The following UNC5C variants were observed in gnomAD, a reference collection of about 807,000 sequenced individuals.
UNC5C encodes the protein unc-5 netrin receptor C, also known as netrin receptor UNC5C.
Under a neutral mutation model 99.8 loss-of-function variants are expected in UNC5C, and 47 were observed. That is an observed-to-expected ratio of 0.47 (90% confidence interval 0.37 to 0.60). UNC5C has a LOEUF of 0.60. UNC5C is among the 20% of genes least tolerant of loss of function. UNC5C has a pLI of 0.00. For synonymous variants in UNC5C, 487 were observed against 452.2 expected (o/e 1.08, Z -0.98); for missense variants, 1,062 against 1,165.9 (o/e 0.91, Z 1.30).
At chr4:95,368,138 T>C (rs2035468) in intron 1 of UNC5C, among the ~76,000 whole-genome samples, 21,530 of 152,028 alleles carry the variant, frequency 0.14, 1,877 homozygotes, top group Admixed American at 0.19. Flanking sequence ...AAAATAACAC[T>C]GTCTAGCTAT....
At position 95,169,024 on chromosome 4, in the gene UNC5C, T is replaced by C; in HGVS notation, c.*210A>G. On this transcript the variant is annotated 3_prime_UTR_variant, in exon 16 of 16. Coordinates refer to ENST00000453304, the MANE Select transcript of UNC5C (RefSeq NM_003728.4). ...GATAGCTAAATTCAAGGTACAAATT[T>C]ACACAATTTTTCTTAACTCCCGTGA... 1 of 573,340 alleles carries C rather than the reference T, an allele frequency of 1.7e-6. No homozygotes were observed. The highest frequency in any genetic ancestry group is 2.7e-5 in the South Asian group (1 of 37,008). The allele number at this position is 573,340 out of a possible 1,614,324, so 35.5% of individuals were successfully genotyped here.
At chr4:95,384,217 A>G (rs1425532046) in intron 1 of UNC5C, among the ~76,000 whole-genome samples, 1 of 152,176 alleles carries the variant, frequency 6.6e-6, no homozygotes, top group African/African-American at 2.4e-5. Context: ...TATTTATTGA[A>G]TAACTATTAC....
At chr4:95,211,604 C>T (rs150874497) in intron 10 of UNC5C, among the ~76,000 whole-genome samples, 300 of 152,288 alleles carry the variant, frequency 2.0e-3, no homozygotes, top group African/African-American at 6.9e-3. Flanking sequence ...ACATGCGGAT[C>T]TTGTAACTTA....
At position 95,278,345 on chromosome 4, in the gene UNC5C, C is replaced by T. The variant is rs911037326; in HGVS notation, c.508G>A (p.Glu170Lys). Residue 170 changes from glutamate (E) to lysine (K), a missense_variant, in exon 4 of 16, where the codon GAG (glutamate) becomes AAG (lysine). By Grantham distance (56) the Glu-to-Lys change is moderately conservative. Around this residue, in one of 3 missense-constraint regions of UNC5C, gnomAD observed 249 missense variants for 295.1 expected, o/e 0.84. Coordinates refer to ENST00000453304, the MANE Select transcript of UNC5C (RefSeq NM_003728.4). The part of the protein sequence containing the change: ...VRIAYLRKTF[E>K]QEPLGKEVSL... ...ACTTCCTTTCCTAGGGGTTCCTGCT[C>T]AAATGTCTTCCGTAGATCTGGAACG... 1 of 1,613,988 alleles carries T rather than the reference C, an allele frequency of 6.2e-7. No homozygotes were observed. Among genetic ancestry groups the T allele is most frequent in the East Asian group, 2.2e-5 (1 of 44,870 alleles).
At chr4:95,514,799 A>T (rs1474742906) in intron 1 of UNC5C, among the ~76,000 whole-genome samples, 3 of 151,866 alleles carry the variant, frequency 2.0e-5, no homozygotes, top group Non-Finnish European at 4.4e-5. Context: ...CAGCCTCCCA[A>T]GTAGCTGGGA....
intron 4 of UNC5C, among the ~76,000 whole-genome samples, chr4:95,254,644 T>A (rs745909284): frequency 5.9e-5 from 9 of 152,288 alleles, no homozygotes; most frequent in Middle Eastern, 3.4e-3. Context: ...AAAATATGCA[T>A]CCTAGTAAGA....
rs539346892 is a variant in UNC5C at position 95,183,201 on chromosome 4, C to G, written c.2287-140G>C. ...CAACAGCCCTATGTTTAAGTACATC[C>G]TGGACCCTTATCACATGAAAAACTT... On this transcript the variant is annotated intron_variant, in intron 13 of 15. Coordinates refer to ENST00000453304, the MANE Select transcript of UNC5C (RefSeq NM_003728.4). 6.5e-6 allele frequency: 5 copies of G among 773,954 alleles called. No individual in the cohort carries two copies. The South Asian group carries it at 1.3e-4, about 19-fold the overall frequency. 47.9% of individuals were successfully genotyped at this position (773,954 alleles called of 1,614,324 possible).
At chr4:95,537,920 A>G (rs1722823261) in intron 1 of UNC5C, among the ~76,000 whole-genome samples, 2 of 152,018 alleles carry the variant, frequency 1.3e-5, no homozygotes, top group Non-Finnish European at 2.9e-5. Context: ...AAAAAAAATC[A>G]CTTCACTTTA....
intron 1 of UNC5C, among the ~76,000 whole-genome samples, chr4:95,476,659 T>C (rs956170756): frequency 2.6e-5 from 4 of 152,104 alleles, no homozygotes; most frequent in Non-Finnish European, 4.4e-5. Context: ...GAAAAAACAA[T>C]GCTGCTTTGA....
chr4:95,332,834 C>T lies in UNC5C; in HGVS notation c.346+2576G>A, dbSNP rs1040067812. Among the ~76,000 whole-genome samples the T allele has an allele frequency of 2.6e-5, 4 of 151,664 alleles. No individual in the cohort carries two copies. In the East Asian group the frequency reaches 7.8e-4, roughly 30 times the overall value. On this transcript the variant is annotated intron_variant, in intron 2 of 15. Transcript: ENST00000453304. ...CACAACCTACTCATCTGACAAAGGG[C>T]TAATATCCAGAATCTCAATGAACTC... is the stretch of plus-strand genomic sequence containing the variant.
At chr4:95,331,467 T>A (rs1201048129) in intron 2 of UNC5C, among the ~76,000 whole-genome samples, 2 of 152,116 alleles carry the variant, frequency 1.3e-5, no homozygotes, top group South Asian at 4.1e-4. Flanking sequence ...AATACCTACA[T>A]GAGTCTAGTA....
intron 2 of UNC5C, among the ~76,000 whole-genome samples, chr4:95,322,924 C>A (rs553599164): frequency 7.1e-6 from 1 of 140,492 alleles, no homozygotes; most frequent in African/African-American, 2.7e-5. Flanking sequence ...GGTGACAGAG[C>A]GAGATTCTGT....
chr4:95,292,832 T>C lies in UNC5C; in HGVS notation c.490+8774A>G, dbSNP rs535700373. ...TTCAATTTTATTTCATTTTTTTATG[T>C]TTTAATTTATTTATCAGCAGCCACA... On this transcript the variant is annotated intron_variant, in intron 3 of 15. Coordinates refer to ENST00000453304, the MANE Select transcript of UNC5C (RefSeq NM_003728.4). Among the ~76,000 whole-genome samples, 13 of 152,340 alleles carry C rather than the reference T, an allele frequency of 8.5e-5. No individual in the cohort carries two copies. In the South Asian group the frequency reaches 2.7e-3, roughly 32 times the overall value.
chr4:95,456,037 C>T (rs552100222), intron 1 of UNC5C, among the ~76,000 whole-genome samples: 8 of 152,118 alleles, frequency 5.3e-5, no homozygotes, highest in Admixed American at 2.6e-4. Flanking sequence ...CCCGGTGAGG[C>T]CTGTGAGTGA....
At chr4:95,480,448 C>T (rs1429295859) in intron 1 of UNC5C, among the ~76,000 whole-genome samples, 2 of 151,848 alleles carry the variant, frequency 1.3e-5, no homozygotes, top group Non-Finnish European at 2.9e-5. Context: ...CTACCATTTT[C>T]ATGTATACAT....
intron 1 of UNC5C, among the ~76,000 whole-genome samples, chr4:95,476,497 C>CT (rs986106832): frequency 1.3e-5 from 2 of 151,940 alleles, no homozygotes; most frequent in African/African-American, 4.8e-5. Flanking sequence ...TAAAATATAA[C>CT]TTTTTAGAAC....
chr4:95,255,616 C>T (rs937982488), intron 4 of UNC5C, among the ~76,000 whole-genome samples: 6 of 151,778 alleles, frequency 4.0e-5, no homozygotes, highest in Admixed American at 1.3e-4. Flanking sequence ...GTGTTCCTAT[C>T]TGTCACCTCG....
intron 1 of UNC5C, among the ~76,000 whole-genome samples, chr4:95,392,679 G>T (rs1179717777): frequency 6.6e-6 from 1 of 151,932 alleles, no homozygotes; most frequent in Non-Finnish European, 1.5e-5. Context: ...AACTTCAAGT[G>T]ATCCTCCCTC....
intron 10 of UNC5C, among the ~76,000 whole-genome samples, chr4:95,214,909 A>T (rs1171607972): frequency 6.6e-6 from 1 of 152,226 alleles, no homozygotes; most frequent in Admixed American, 6.5e-5. Flanking sequence ...TTGGGAATGA[A>T]AAAAATGAAT....
Sources: allele counts gnomAD v4.1 joint callset (sites outside exome capture counted in the v4.1 genomes callset), GRCh38; gene constraint gnomAD v4.1.1; regional missense constraint gnomAD v4.1.1; transcripts MANE v1.5; gene names NCBI Gene and HGNC (gene_info 2026-07-23, HGNC 2026-07-21).